MEI4: variants seen among roughly 807,000 people sequenced by gnomAD.
MEI4 encodes the protein meiosis-specific protein MEI4.
In MEI4, 27 loss-of-function variants were observed where a neutral mutation model predicts 31.4. The ratio of observed to expected loss-of-function variants is 0.86; its 90% confidence interval spans 0.63 to 1.19. The LOEUF (loss-of-function observed/expected upper bound fraction) is 1.19. Ranked by LOEUF, MEI4 falls within the 50% of genes most tolerant of loss-of-function variation. MEI4 has a pLI of 0.00. For missense variants in MEI4, 329 were observed against 398.9 expected, an observed-to-expected ratio of 0.82 and a Z score of 1.49; for synonymous variants, 122 against 145.4, an observed-to-expected ratio of 0.84 and a Z score of 1.16.
At chr6:77,768,347 A>G (rs532923465) in intron 3 of MEI4, among the ~76,000 whole-genome samples, 18 of 152,346 alleles carry the variant, frequency 1.2e-4, no homozygotes, top group Middle Eastern at 3.4e-3. Context: ...TCTAAATTTC[A>G]TAAAGACAAT....
Position 77,739,544 on chromosome 6 carries a change from G to A in MEI4, c.233-21586G>A, listed in dbSNP as rs1312077576. 2.0e-5 allele frequency among the ~76,000 whole-genome samples: 3 copies of A among 152,240 alleles called. No homozygotes were observed. In the East Asian group the frequency reaches 5.8e-4, roughly 29 times the overall value. On this transcript the variant is annotated intron_variant, in intron 2 of 4. Coordinates refer to ENST00000684080, the MANE Select transcript of MEI4 (RefSeq NM_001322247.2). Reference sequence around the variant, plus strand: ...CAATGAGAACCTGTGGACACAGGGAGGGGAACATCACACACTGGGCCTGTC... The same window carrying A: ...CAATGAGAACCTGTGGACACAGGGAAGGGAACATCACACACTGGGCCTGTC...
chr6:77,757,758 T>C lies in MEI4; in HGVS notation c.233-3372T>C, dbSNP rs558880646. ...AGAAAAGTATAATTTTCTAGATTAG[T>C]GTAGTCCGTATTTCCCCTTTATTTA... On this transcript the variant is annotated intron_variant, in intron 2 of 4. Transcript: ENST00000684080. Among the ~76,000 whole-genome samples, 5 of 152,334 alleles carry C rather than the reference T, an allele frequency of 3.3e-5. No individual in the cohort carries two copies. In the East Asian group the frequency reaches 9.6e-4, roughly 29 times the overall value.
intron 3 of MEI4, among the ~76,000 whole-genome samples, chr6:77,796,924 C>G (rs894389685): frequency 6.6e-6 from 1 of 152,082 alleles, no homozygotes; most frequent in Non-Finnish European, 1.5e-5. Flanking sequence ...TTTACACTCC[C>G]TGTTTTGAAA....
Position 77,698,806 on chromosome 6 carries a change from C to T in MEI4, c.232+7903C>T, listed in dbSNP as rs930326615. Among the ~76,000 whole-genome samples the T allele has an allele frequency of 6.1e-4, 93 of 152,234 alleles. 2 individuals carry two copies. Among genetic ancestry groups the T allele is most frequent in the African/African-American group, 1.9e-3 (79 of 41,532 alleles). On this transcript the variant is annotated intron_variant, in intron 2 of 4. Transcript: ENST00000684080. Reference sequence around the variant, plus strand: ...ATTTTCTGTATTTCCTGAATCTGAACGTTGGCCTGCCTTGCTAGATTGGGG... The same window carrying T: ...ATTTTCTGTATTTCCTGAATCTGAATGTTGGCCTGCCTTGCTAGATTGGGG...
chr6:77,853,224 G>C (rs1770672306), intron 4 of MEI4, among the ~76,000 whole-genome samples: 1 of 152,002 alleles, frequency 6.6e-6, no homozygotes, highest in South Asian at 2.1e-4. Flanking sequence ...AAAAAAGACA[G>C]GTTAATGCCA....
At chr6:77,686,875 C>CTTTTTTTTTTTTTTTTTTTTTTTTTTTTT (rs70974681) in intron 1 of MEI4, among the ~76,000 whole-genome samples, 21 of 132,520 alleles carry the variant, frequency 1.6e-4, no homozygotes, top group East Asian at 2.4e-4. Context: ...GTCTGTGGCT[C>CTTTTTTTTTTTTTTTTTTTTTTTTTTTTT]TTTTTTTTTG....
At chr6:77,703,275 A>C (rs1449485580) in intron 2 of MEI4, among the ~76,000 whole-genome samples, 1 of 152,212 alleles carries the variant, frequency 6.6e-6, no homozygotes, top group Non-Finnish European at 1.5e-5. Flanking sequence ...GTAACAGTGG[A>C]AGTAGAATAC....
chr6:77,838,890 C>T lies in MEI4; in HGVS notation c.900+9828C>T, dbSNP rs182469172. ...TGCACTCCAACCTGGGCGACAAGAGCGAAACTCTATCTCAAAAAAAAAAAA... is the reference window on the plus strand; with the variant it reads ...TGCACTCCAACCTGGGCGACAAGAGTGAAACTCTATCTCAAAAAAAAAAAA... On this transcript the variant is annotated intron_variant, in intron 4 of 4. Coordinates refer to ENST00000684080, the MANE Select transcript of MEI4 (RefSeq NM_001322247.2). Among the ~76,000 whole-genome samples the T allele has an allele frequency of 3.3e-5, 5 of 149,310 alleles. No homozygotes were observed. The East Asian group carries it at 7.9e-4, about 24-fold the overall frequency.
In MEI4 at chr6:77,746,015, G is replaced by A. The variant is rs1028874128; in HGVS notation, c.233-15115G>A. Among the ~76,000 whole-genome samples, 7 of 152,204 alleles carry A rather than the reference G, an allele frequency of 4.6e-5. No homozygotes were observed. The South Asian group carries it at 1.0e-3, about 23-fold the overall frequency. ...TAACACTAAATGCCCACAAGAGAAA[G>A]CAGGAAAGATCCAAAATTGACACCC... On this transcript the variant is annotated intron_variant, in intron 2 of 4. Transcript: ENST00000684080.
chr6:77,823,013 A>G (rs984377008), intron 3 of MEI4, among the ~76,000 whole-genome samples: 6 of 152,140 alleles, frequency 3.9e-5, no homozygotes, highest in African/African-American at 1.4e-4. Context: ...CACATAGATG[A>G]CATTCAATAT....
At chr6:77,733,526 T>G (rs1276460077) in intron 2 of MEI4, among the ~76,000 whole-genome samples, 1 of 152,104 alleles carries the variant, frequency 6.6e-6, no homozygotes, top group East Asian at 1.9e-4. Context: ...CTTTTTTTCT[T>G]TATTAGTCTT....
chr6:77,801,548 C>T (rs1163900557), intron 3 of MEI4, among the ~76,000 whole-genome samples: 5 of 152,126 alleles, frequency 3.3e-5, no homozygotes, highest in Non-Finnish European at 5.9e-5. Flanking sequence ...TGTGTTTGCT[C>T]TTGCTTCTCT....
chr6:77,665,738 G>A (rs1032085727), intron 1 of MEI4, among the ~76,000 whole-genome samples: 3 of 152,094 alleles, frequency 2.0e-5, no homozygotes, highest in African/African-American at 7.2e-5. Flanking sequence ...TGTCTCGCCC[G>A]GAAAATGAAA....
intron 2 of MEI4, among the ~76,000 whole-genome samples, chr6:77,759,187 C>T (rs193264515): frequency 3.9e-5 from 6 of 152,192 alleles, no homozygotes; most frequent in Admixed American, 2.6e-4. Flanking sequence ...GTTTCCTTGA[C>T]TTTTATGACA....
At chr6:77,742,453 C>T (rs1767437004) in intron 2 of MEI4, among the ~76,000 whole-genome samples, 1 of 152,234 alleles carries the variant, frequency 6.6e-6, no homozygotes, top group East Asian at 1.9e-4. Context: ...CCTTTGCCCA[C>T]TTTTTGATGG....
intron 2 of MEI4, among the ~76,000 whole-genome samples, chr6:77,699,816 AG>A (rs1459629944): frequency 6.6e-6 from 1 of 152,140 alleles, no homozygotes; most frequent in Non-Finnish European, 1.5e-5. Context: ...CCTCAGCTGC[AG>A]GTCTGTTGGA....
At chr6:77,691,574 G>C (rs142932162) in intron 2 of MEI4, among the ~76,000 whole-genome samples, 2 of 152,130 alleles carry the variant, frequency 1.3e-5, no homozygotes, top group Non-Finnish European at 2.9e-5. Flanking sequence ...TTACATTTAA[G>C]AGTGACCAGA....
intron 2 of MEI4, among the ~76,000 whole-genome samples, chr6:77,693,271 C>T (rs1300019652): frequency 2.6e-5 from 4 of 151,924 alleles, no homozygotes; most frequent in African/African-American, 9.7e-5. Flanking sequence ...GTCAATTTTT[C>T]TTTATTTTTT....
intron 4 of MEI4, among the ~76,000 whole-genome samples, chr6:77,902,759 C>T (rs1341042391): frequency 1.3e-5 from 2 of 152,056 alleles, no homozygotes; most frequent in African/African-American, 4.8e-5. Context: ...TGTCTGTTAT[C>T]TACCTATGAC....
Sources: allele counts gnomAD v4.1 joint callset (sites outside exome capture counted in the v4.1 genomes callset), GRCh38; gene constraint gnomAD v4.1.1; transcripts MANE v1.5; gene names NCBI Gene and HGNC (gene_info 2026-07-23, HGNC 2026-07-21).